Variants in RNF213 observed in about 807,000 individuals in gnomAD.
The protein encoded by RNF213 is ring finger protein 213.
A neutral mutation model predicts 514.4 loss-of-function variants in RNF213; 341 were observed. The observed-to-expected ratio is 0.66, with a 90% CI of 0.61 to 0.73. The LOEUF (loss-of-function observed/expected upper bound fraction) is 0.73. Among genes scored for constraint, RNF213 ranks in the 30% least tolerant of loss-of-function variants. The pLI is 0.00. For missense variants in RNF213, 5,767 were observed against 6,615.6 expected (o/e 0.87, Z 4.45); for synonymous variants, 2,655 against 2,658.2 (o/e 1.00, Z 0.04).
At chr17:80,382,782 AGATT>A (rs2080073924) in intron 57 of RNF213, 193 bp from the exon 58 acceptor site, 1 of 535,706 alleles carries the variant, frequency 1.9e-6, no homozygotes, top group African/African-American at 1.9e-5. Flanking sequence ...GAATTTTTAG[AGATT>A]GATGTTATCT....
At chr17:80,268,183 A>G (rs2043672457) in intron 2 of RNF213, among the ~76,000 whole-genome samples, 1 of 151,674 alleles carries the variant, frequency 6.6e-6, no homozygotes, top group South Asian at 2.1e-4. Flanking sequence ...ATTTTCTTCA[A>G]CGTCCATTGT....
Position 80,364,439 on chromosome 17 carries a change from G to C in RNF213, c.11757G>C (p.Gln3919His). 1 of 1,614,204 alleles carries C rather than the reference G, an allele frequency of 6.2e-7. No homozygotes were observed. Among genetic ancestry groups the C allele is most frequent in the Non-Finnish European group, 8.5e-7 (1 of 1,180,038 alleles). ...AQAVIREVRAQWSRIFSTALF... is the reference protein window; with the variant it reads ...AQAVIREVRAHWSRIFSTALF... ...TGGCGCCCTCTTTTGACAGAGCCCAGTGGAGTCGGATTTTCTCCACCGCAC... is the reference window on the plus strand; with the variant it reads ...TGGCGCCCTCTTTTGACAGAGCCCACTGGAGTCGGATTTTCTCCACCGCAC... Residue 3919 changes from glutamine (Q) to histidine (H), a missense_variant, in exon 42 of 68, where the codon CAG (glutamine) becomes CAC (histidine). Around this residue, in one of 13 missense-constraint regions of RNF213, gnomAD observed 355 missense variants for 358.0 expected, o/e 0.99. Coordinates refer to ENST00000582970, the MANE Select transcript of RNF213 (RefSeq NM_001256071.3).
intron 25 of RNF213, 117 bp from the exon 26 acceptor site, chr17:80,339,084 T>TTAAAAAAAAA (rs2144053540): frequency 2.9e-5 from 22 of 761,612 alleles, no homozygotes; most frequent in Middle Eastern, 6.1e-4. Context: ...GCGCAGATCA[T>TTAAAAAAAAA]GCAGTGGGCC....
At chr17:80,342,732 A>G (rs1288233559) in intron 26 of RNF213, among the ~76,000 whole-genome samples, 1 of 139,574 alleles carries the variant, frequency 7.2e-6, no homozygotes, top group East Asian at 2.0e-4. Flanking sequence ...GTATATATAT[A>G]TTATATATAT....
At position 80,312,632 on chromosome 17, in the gene RNF213, C is replaced by T. The variant is rs547459067; in HGVS notation, c.2656-380C>T. Among the ~76,000 whole-genome samples, 48 of 152,334 alleles carry T rather than the reference C, an allele frequency of 3.2e-4. No homozygotes were observed. In the South Asian group the frequency reaches 8.7e-3, roughly 28 times the overall value. On this transcript the variant is annotated intron_variant, in intron 14 of 67. Transcript: ENST00000582970. Reference sequence around the variant, plus strand: ...TCCGGGTCAGGAGCCTGGCTGTCTCCTGTGTCTAAGGAACAGGCCCGGGAG... The same window carrying T: ...TCCGGGTCAGGAGCCTGGCTGTCTCTTGTGTCTAAGGAACAGGCCCGGGAG...
In RNF213 at chr17:80,351,483, C is replaced by A. The variant is rs543854110; in HGVS notation, c.10185-202C>A. The stretch of plus-strand genomic sequence containing the variant: ...AAAACGAGCCGCTAAGAGAAGATTT[C>A]TCATCCCCTTGTGAGAGAAGAAATC... On this transcript the variant is annotated intron_variant, in intron 31 of 67. Coordinates refer to ENST00000582970, the MANE Select transcript of RNF213 (RefSeq NM_001256071.3). Among the ~76,000 whole-genome samples, 182 of 152,334 alleles carry A rather than the reference C, an allele frequency of 1.2e-3. 1 individual carries two copies. Among genetic ancestry groups the A allele is most frequent in the African/African-American group, 4.1e-3 (172 of 41,570 alleles).
In RNF213 at chr17:80,346,293, A is replaced by G. The variant is rs751683308; in HGVS notation, c.7958A>G (p.Glu2653Gly). ...GTGAAAGTTTTCAGGTGGTTCCACG[A>G]GCACAGCGCGATGCTCTTAGCGCAG... ...RCVKVFRWFH[E>G]HSAMLLAQLN... The change falls in exon 29 of 68, where the codon GAG (glutamate) becomes GGG (glycine). Residue 2653 changes from glutamate to glycine, a missense_variant. Glu to Gly is a moderately conservative substitution (Grantham distance 98, BLOSUM62 -2). This residue lies in a region of RNF213 where 1,377 missense variants were observed against 1,635.2 expected (regional missense o/e 0.84). Coordinates refer to ENST00000582970, the MANE Select transcript of RNF213 (RefSeq NM_001256071.3). This position sits in a 1 kb window ranked among gnomAD's most constrained non-coding sequence, Gnocchi z 8.1. 5.0e-6 allele frequency: 8 copies of G among 1,614,096 alleles called. No individual in the cohort carries two copies. Among genetic ancestry groups the G allele is most frequent in the Non-Finnish European group, 2.5e-6 (3 of 1,180,010 alleles).
intron 8 of RNF213, among the ~76,000 whole-genome samples, chr17:80,293,470 T>C (rs2044815143): frequency 6.6e-6 from 1 of 152,178 alleles, no homozygotes; most frequent in Non-Finnish European, 1.5e-5. Flanking sequence ...TGGAATTCTA[T>C]ATATATAAAT....
intron 20 of RNF213, 125 bp from the exon 21 acceptor site, chr17:80,331,881 A>G: frequency 1.7e-6 from 2 of 1,153,518 alleles, no homozygotes; most frequent in Non-Finnish European, 2.4e-6. Context: ...TGAGAAAGAA[A>G]TCCTAGCAGC....
At chr17:80,373,431 G>C (rs1555677237) in intron 49 of RNF213, among the ~76,000 whole-genome samples, 2 of 151,838 alleles carry the variant, frequency 1.3e-5, no homozygotes, top group Non-Finnish European at 2.9e-5. Flanking sequence ...TTGTCTGTCT[G>C]GTCCTTTGTC....
Position 80,398,203 on chromosome 17 carries a change from G to C in RNF213, c.*4705G>C, listed in dbSNP as rs1568184335. Reference sequence around the variant, plus strand: ...GGTTTTGACCTGACTTGGATATCCTGATACTCTGATTTTGGTTTTGATTTT... The same window carrying C: ...GGTTTTGACCTGACTTGGATATCCTCATACTCTGATTTTGGTTTTGATTTT... On this transcript the variant is annotated 3_prime_UTR_variant, in exon 68 of 68. Coordinates refer to ENST00000582970, the MANE Select transcript of RNF213 (RefSeq NM_001256071.3). 1 of 152,148 alleles carries C rather than the reference G, an allele frequency of 6.6e-6. No homozygotes were observed. Among genetic ancestry groups the C allele is most frequent in the East Asian group, 1.9e-4 (1 of 5,146 alleles). 9.4% of individuals were successfully genotyped at this position (152,148 alleles called of 1,614,324 possible).
chr17:80,269,445 C>T (rs1317071693), intron 2 of RNF213, among the ~76,000 whole-genome samples: 1 of 146,994 alleles, frequency 6.8e-6, no homozygotes. Flanking sequence ...TCTATCTATC[C>T]ATCCATCTAT....
rs767285154 is a variant in RNF213, at chr17:80,289,683, G to A, written c.958G>A (p.Glu320Lys). 14 of 1,614,024 alleles carry A rather than the reference G, an allele frequency of 8.7e-6. No individual in the cohort carries two copies. The highest frequency in any genetic ancestry group is 2.2e-5 in the East Asian group (1 of 44,884). The change falls in exon 6 of 68, where the codon GAG becomes AAG. Residue 320 changes from glutamate to lysine, a missense_variant. This residue lies in a region of RNF213 where 509 missense variants were observed against 496.7 expected (regional missense o/e 1.02). Transcript: ENST00000582970. ...CQEAETKTKD[E>K]MAAAEEKVGK... Reference sequence around the variant, plus strand: ...GGAAGCTGAGACCAAGACCAAGGACGAGATGGCTGCTGCTGAAGAAAAAGT... The same window carrying A: ...GGAAGCTGAGACCAAGACCAAGGACAAGATGGCTGCTGCTGAAGAAAAAGT...
chr17:80,313,610 G>A (rs555268234), intron 15 of RNF213, among the ~76,000 whole-genome samples: 36 of 150,582 alleles, frequency 2.4e-4, no homozygotes, highest in African/African-American at 7.8e-4. Flanking sequence ...TGGTGGAGGT[G>A]ATGGTGATTG....
chr17:80,270,648 T>C (rs1489720095), intron 2 of RNF213, among the ~76,000 whole-genome samples: 2 of 152,204 alleles, frequency 1.3e-5, no homozygotes, highest in Admixed American at 1.3e-4. Flanking sequence ...ACCACATGTA[T>C]GTGTATTTCC....
chr17:80,352,903 A>T, intron 32 of RNF213, 37 bp from the exon 33 acceptor site: 1 of 1,613,750 alleles, frequency 6.2e-7, no homozygotes, highest in Non-Finnish European at 8.5e-7. Context: ...GCCGGGAAAG[A>T]CACAAAGACA....
At chr17:80,274,886 GA>G (rs2043982138) in intron 3 of RNF213, among the ~76,000 whole-genome samples, 1 of 117,266 alleles carries the variant, frequency 8.5e-6, no homozygotes, top group Non-Finnish European at 1.8e-5. Flanking sequence ...GTGTGAATGG[GA>G]TGTGTGTGTG....
Position 80,371,984 on chromosome 17 carries a change from A to T in RNF213, c.12536A>T (p.Glu4179Val). 6.7e-7 allele frequency: 1 copy of T among 1,489,316 alleles called. No homozygotes were observed. Among genetic ancestry groups the T allele is most frequent in the Non-Finnish European group, 9.4e-7 (1 of 1,066,166 alleles). 92.3% of individuals were successfully genotyped at this position (1,489,316 alleles called of 1,614,324 possible). A position where few individuals can be genotyped will look rare whatever the true frequency, so the allele number is the denominator to read the frequency against. The change falls in exon 47 of 68, where the codon GAG (glutamate) becomes GTG (valine). Residue 4179 changes from glutamate (E) to valine (V), a missense_variant and splice_region_variant. Around this residue, in one of 13 missense-constraint regions of RNF213, gnomAD observed 1,245 missense variants for 1,339.0 expected, o/e 0.93. Coordinates refer to ENST00000582970, the MANE Select transcript of RNF213 (RefSeq NM_001256071.3). ...ELYMLFINCL[E>V]DSILEKTSAY... ...TACATGCTCTTCATCAACTGCCTGG[A>T]GGTAAGTGAACTCTCTCTTCCCTGA...
chr17:80,372,299 AT>A (rs1053405169), intron 47 of RNF213, among the ~76,000 whole-genome samples: 2 of 152,118 alleles, frequency 1.3e-5, no homozygotes, highest in Non-Finnish European at 2.9e-5. Flanking sequence ...ATGTAAATAA[AT>A]TAGATAATTT....
Sources: gnomAD v4.1 joint callset for allele counts (sites outside exome capture counted in the v4.1 genomes callset) on GRCh38, gnomAD v4.1.1 for gene constraint, gnomAD v4.1.1 regional missense constraint, Gnocchi (gnomAD v3.1) non-coding constraint, MANE v1.5 for transcripts, NCBI Gene and HGNC (gene_info 2026-07-23, HGNC 2026-07-21) for gene names.